The following PRKAR2A variants were observed in gnomAD, a reference collection of about 807,000 sequenced individuals.
PRKAR2A encodes the protein protein kinase cAMP-dependent type II regulatory subunit alpha.
Under a neutral mutation model 51.9 loss-of-function variants are expected in PRKAR2A, and 29 were observed. The ratio of observed to expected loss-of-function variants is 0.56; its 90% CI spans 0.42 to 0.76. The LOEUF (loss-of-function observed/expected upper bound fraction) is 0.76. Ranked by LOEUF, PRKAR2A falls within the 30% of genes least tolerant of loss-of-function variation. The probability of loss-of-function intolerance (pLI) is 0.00; values close to 1 mark genes in which losing one functional copy is unlikely to be tolerated. For missense variants in PRKAR2A, 445 were observed against 512.1 expected (o/e 0.87, Z 1.26); for synonymous variants, 178 against 186.2 (o/e 0.96, Z 0.36).
chr3:48,789,442 C>A (rs1353589253), intron 4 of PRKAR2A, among the ~76,000 whole-genome samples: 2 of 151,166 alleles, frequency 1.3e-5, no homozygotes, highest in African/African-American at 4.9e-5. Context: ...GCATAAATTT[C>A]TTTTTCCTTC....
intron 1 of PRKAR2A, among the ~76,000 whole-genome samples, chr3:48,841,282 A>T (rs1428787032): frequency 6.6e-6 from 1 of 151,676 alleles, no homozygotes; most frequent in Non-Finnish European, 1.5e-5. Flanking sequence ...ACGGTGGCTC[A>T]CACCTGTAAT....
At chr3:48,836,468 A>C (rs1011547218) in intron 1 of PRKAR2A, among the ~76,000 whole-genome samples, 1 of 84,452 alleles carries the variant, frequency 1.2e-5, no homozygotes, top group African/African-American at 4.6e-5. Context: ...TTTTTAATAT[A>C]TATATATTAA....
At chr3:48,831,019 C>T (rs543754002) in intron 1 of PRKAR2A, among the ~76,000 whole-genome samples, 19 of 152,314 alleles carry the variant, frequency 1.2e-4, no homozygotes, top group Admixed American at 1.2e-3. Context: ...CACTGCTCAC[C>T]TCCTGCTGTG....
chr3:48,773,230 TA>T (rs550174564), intron 5 of PRKAR2A, 122 bp from the exon 6 acceptor site: 53 of 757,882 alleles, frequency 7.0e-5, no homozygotes, highest in African/African-American at 3.7e-4. Flanking sequence ...TGCTAGTATA[TA>T]AAAAAAACAT....
At chr3:48,833,710 C>CAA (rs749720008) in intron 1 of PRKAR2A, among the ~76,000 whole-genome samples, 3 of 88,558 alleles carry the variant, frequency 3.4e-5, no homozygotes, top group Non-Finnish European at 6.9e-5. Context: ...GACTTGGTCT[C>CAA]AAAAAAAAAA....
At chr3:48,775,337 C>G (rs574265767) in intron 5 of PRKAR2A, among the ~76,000 whole-genome samples, 19 of 151,696 alleles carry the variant, frequency 1.3e-4, no homozygotes, top group Admixed American at 7.3e-4. Flanking sequence ...ACTCGGGAGG[C>G]TGAGGCAGGA....
chr3:48,773,066 G>A lies in PRKAR2A; in HGVS notation c.585C>T (p.Arg195=). The A allele has an allele frequency of 6.2e-7, 1 of 1,612,464 alleles. No individual in the cohort carries two copies. The highest frequency in any genetic ancestry group is 8.5e-7 in the Non-Finnish European group (1 of 1,179,010). ...DILVTKDNQT[R]SVGQYDNRGS... ...CACGGTTGTCATATTGACCAACAGA[G>A]CGGGTTTGATTATCTTTTGTTACTA... is the stretch of plus-strand genomic sequence containing the variant. Residue 195 remains arginine (R), a synonymous_variant, in exon 6 of 11, where the codon CGC becomes CGT. Coordinates refer to ENST00000265563, the MANE Select transcript of PRKAR2A (RefSeq NM_004157.4).
At chr3:48,789,569 C>A (rs1393435061) in intron 4 of PRKAR2A, among the ~76,000 whole-genome samples, 2 of 150,946 alleles carry the variant, frequency 1.3e-5, no homozygotes, top group Admixed American at 6.6e-5. Context: ...CAGCTCACTG[C>A]AACTTCCGCC....
At position 48,746,640 on chromosome 3, in the gene PRKAR2A, A is replaced by C. The variant is rs1266552614; in HGVS notation, c.*4945T>G. 4 of 152,200 alleles carry C rather than the reference A, an allele frequency of 2.6e-5. No individual in the cohort carries two copies. The highest frequency in any genetic ancestry group is 9.7e-5 in the African/African-American group (4 of 41,448). The allele number at this position is 152,200 out of a possible 1,614,324, so 9.4% of individuals were successfully genotyped here. On this transcript the variant is annotated 3_prime_UTR_variant, in exon 11 of 11. Coordinates refer to ENST00000265563, the MANE Select transcript of PRKAR2A (RefSeq NM_004157.4). ...AAAGCCGAGCCCTAGGGTTTCCTTA[A>C]CAACAACAAAAAGAACATCAACCTT...
At chr3:48,802,053 G>A (rs947783613) in intron 2 of PRKAR2A, among the ~76,000 whole-genome samples, 1 of 152,134 alleles carries the variant, frequency 6.6e-6, no homozygotes, top group Non-Finnish European at 1.5e-5. Flanking sequence ...GGGATTATAG[G>A]CGCCTGCCAC....
At chr3:48,758,923 G>C (rs982927035) in intron 8 of PRKAR2A, among the ~76,000 whole-genome samples, 2 of 152,144 alleles carry the variant, frequency 1.3e-5, no homozygotes, top group Admixed American at 6.5e-5. Context: ...GAGGAGATGG[G>C]AAAGAATGTC....
intron 1 of PRKAR2A, among the ~76,000 whole-genome samples, chr3:48,815,169 C>G (rs556796503): frequency 1.1e-3 from 173 of 152,186 alleles, no homozygotes; most frequent in African/African-American, 3.5e-3. Context: ...CTGCCTCGGC[C>G]TCCCAAAGTG....
downstream of PRKAR2A, among the ~76,000 whole-genome samples, chr3:48,745,874 A>G (rs2081557029): frequency 6.6e-6 from 1 of 152,100 alleles, no homozygotes; most frequent in Non-Finnish European, 1.5e-5. Context: ...TATAGAAGTA[A>G]AGTAGATGAC....
chr3:48,784,493 A>G (rs2082255379), intron 4 of PRKAR2A, among the ~76,000 whole-genome samples: 1 of 152,172 alleles, frequency 6.6e-6, no homozygotes. Flanking sequence ...CTATTTAAAC[A>G]CTGGCAATAA....
At chr3:48,792,212 G>A (rs537829095) in intron 3 of PRKAR2A, among the ~76,000 whole-genome samples, 2 of 151,612 alleles carry the variant, frequency 1.3e-5, no homozygotes, top group South Asian at 4.2e-4. Flanking sequence ...CGCAATTCTG[G>A]CTCACTGCAA....
chr3:48,812,621 T>C (rs1483029852), intron 1 of PRKAR2A, among the ~76,000 whole-genome samples: 1 of 151,980 alleles, frequency 6.6e-6, no homozygotes, highest in African/African-American at 2.4e-5. Flanking sequence ...TAGCTGGGAC[T>C]ACAGGCGCCT....
At chr3:48,823,475 C>T (rs973795568) in intron 1 of PRKAR2A, among the ~76,000 whole-genome samples, 3 of 151,824 alleles carry the variant, frequency 2.0e-5, no homozygotes, top group Non-Finnish European at 4.4e-5. Flanking sequence ...CAGAAGTCTT[C>T]CATGTTGATG....
chr3:48,809,595 C>CAAAAAA (rs57623385), intron 1 of PRKAR2A, among the ~76,000 whole-genome samples: 2 of 49,350 alleles, frequency 4.1e-5, no homozygotes, highest in African/African-American at 1.0e-4. Context: ...GACTCCATCT[C>CAAAAAA]AAAAAAAAAA....
rs145525991 is a variant in PRKAR2A, at chr3:48,803,137, T to C, written c.298+4512A>G. Among the ~76,000 whole-genome samples the C allele has an allele frequency of 2.6e-5, 4 of 152,090 alleles. No homozygotes were observed. In the East Asian group the frequency reaches 7.7e-4, roughly 29 times the overall value. The stretch of plus-strand genomic sequence containing the variant: ...GGAGAACAGAAGAGTGAAAAAAGCA[T>C]GGAGCATGTGGCTCACACCTGTAAT... On this transcript the variant is annotated intron_variant, in intron 2 of 10. Transcript: ENST00000265563.
Sources: allele counts gnomAD v4.1 joint callset (sites outside exome capture counted in the v4.1 genomes callset), GRCh38; gene constraint gnomAD v4.1.1; transcripts MANE v1.5; gene names NCBI Gene and HGNC (gene_info 2026-07-23, HGNC 2026-07-21).